Variants in NUBPL observed in about 807,000 individuals in gnomAD.
NUBPL encodes the protein iron-sulfur cluster transfer protein NUBPL.
NUBPL carries 31 observed loss-of-function variants against 45.7 expected under a neutral mutation model. The observed-to-expected ratio is 0.68, with a 90% CI of 0.51 to 0.92. The LOEUF (loss-of-function observed/expected upper bound fraction) is 0.92, where lower values mean the gene tolerates loss of function less well. Ranked by LOEUF, NUBPL falls within the 40% of genes least tolerant of loss-of-function variation. The pLI, the probability that NUBPL is intolerant of heterozygous loss-of-function variation, is 0.00. For missense variants in NUBPL, 401 were observed against 398.7 expected, an observed-to-expected ratio of 1.01 and a Z score of -0.05; for synonymous variants, 144 against 140.9, an observed-to-expected ratio of 1.02 and a Z score of -0.15.
intron 6 of NUBPL, among the ~76,000 whole-genome samples, chr14:31,680,582 T>C (rs189228489): frequency 7.9e-5 from 12 of 152,206 alleles, no homozygotes; most frequent in African/African-American, 2.6e-4. Context: ...TTACAATGAG[T>C]AATATTGTAA....
intron 2 of NUBPL, among the ~76,000 whole-genome samples, chr14:31,563,200 G>A (rs1443885011): frequency 2.0e-5 from 3 of 152,042 alleles, no homozygotes; most frequent in Non-Finnish European, 1.5e-5. Context: ...ACATTTTTCA[G>A]TTTTCAGTGG....
chr14:31,602,707 TAGTA>T (rs1368123597), intron 4 of NUBPL, among the ~76,000 whole-genome samples: 3 of 152,164 alleles, frequency 2.0e-5, no homozygotes, highest in African/African-American at 7.2e-5. Context: ...TTCTGGCACA[TAGTA>T]AGTGATCAAA....
chr14:31,821,973 T>C (rs2040025100), intron 7 of NUBPL, among the ~76,000 whole-genome samples: 3 of 152,128 alleles, frequency 2.0e-5, no homozygotes, highest in Non-Finnish European at 4.4e-5. Flanking sequence ...ATTTGTGGGA[T>C]CTGAAATTAA....
At chr14:31,741,169 T>C (rs1291396042) in intron 6 of NUBPL, among the ~76,000 whole-genome samples, 3 of 152,226 alleles carry the variant, frequency 2.0e-5, no homozygotes, top group Non-Finnish European at 4.4e-5. Context: ...CCCTGTACTT[T>C]TTTCTTCCTA....
intron 8 of NUBPL, among the ~76,000 whole-genome samples, chr14:31,842,250 C>T (rs2040388888): frequency 6.6e-6 from 1 of 151,696 alleles, no homozygotes; most frequent in Non-Finnish European, 1.5e-5. Flanking sequence ...TATTCTATTA[C>T]AACCAAGTTT....
At chr14:31,832,274 T>C (rs2040204859) in intron 8 of NUBPL, among the ~76,000 whole-genome samples, 1 of 152,150 alleles carries the variant, frequency 6.6e-6, no homozygotes, top group African/African-American at 2.4e-5. Context: ...GGGGCTTAAT[T>C]AGAATAATGC....
chr14:31,644,249 T>G (rs2035784834), intron 4 of NUBPL, among the ~76,000 whole-genome samples: 1 of 152,108 alleles, frequency 6.6e-6, no homozygotes, highest in Non-Finnish European at 1.5e-5. Flanking sequence ...GTTAAGTTAT[T>G]TATTTGAAGT....
At chr14:31,573,514 T>G (rs767986860) in intron 3 of NUBPL, among the ~76,000 whole-genome samples, 6 of 152,234 alleles carry the variant, frequency 3.9e-5, no homozygotes, top group Non-Finnish European at 8.8e-5. Flanking sequence ...TCTTCATCCC[T>G]GTGACTGTCT....
intron 6 of NUBPL, among the ~76,000 whole-genome samples, chr14:31,777,573 G>A (rs921728771): frequency 1.3e-5 from 2 of 152,160 alleles, no homozygotes; most frequent in Non-Finnish European, 2.9e-5. Flanking sequence ...CAAATATGAG[G>A]AGGATCATTA....
chr14:31,730,506 C>T (rs1178505773), intron 6 of NUBPL, among the ~76,000 whole-genome samples: 1 of 151,472 alleles, frequency 6.6e-6, no homozygotes, highest in Non-Finnish European at 1.5e-5. Context: ...CACCGTCGCC[C>T]AGGCTGTAGT....
chr14:31,641,289 T>G (rs2035690394), intron 4 of NUBPL, among the ~76,000 whole-genome samples: 1 of 152,172 alleles, frequency 6.6e-6, no homozygotes, highest in South Asian at 2.1e-4. Context: ...TTATTTGTAC[T>G]GATTAATGAA....
rs543276707 is a variant in NUBPL at position 31,628,173 on chromosome 14, C to T, written c.382+28794C>T. On this transcript the variant is annotated intron_variant, in intron 4 of 10. Coordinates refer to ENST00000281081, the MANE Select transcript of NUBPL (RefSeq NM_025152.3). ...TAAGTGTGGATTTTCTCCTCTTATA[C>T]TACACCAAAATTTGGCAAGTGTTGG... Among the ~76,000 whole-genome samples, 696 of 152,278 alleles carry T rather than the reference C, an allele frequency of 4.6e-3. 4 individuals are homozygous for T. Among genetic ancestry groups the T allele is most frequent in the Non-Finnish European group, 7.8e-3 (533 of 68,012 alleles).
chr14:31,655,886 G>A (rs1037934241), intron 4 of NUBPL, among the ~76,000 whole-genome samples: 2 of 152,206 alleles, frequency 1.3e-5, no homozygotes, highest in Non-Finnish European at 2.9e-5. Context: ...CCTATTAAGA[G>A]AGTAAACCTA....
intron 9 of NUBPL, 149 bp downstream of exon 9, chr14:31,846,740 A>C: frequency 1.6e-6 from 2 of 1,278,230 alleles, no homozygotes; most frequent in Non-Finnish European, 2.2e-6. Context: ...ACAGATCACG[A>C]GGTCAGGAGA....
chr14:31,742,099 A>G (rs2038296673), intron 6 of NUBPL, among the ~76,000 whole-genome samples: 1 of 152,184 alleles, frequency 6.6e-6, no homozygotes, highest in Non-Finnish European at 1.5e-5. Context: ...TAGGAAACCC[A>G]TATTAAAATA....
intron 8 of NUBPL, among the ~76,000 whole-genome samples, chr14:31,827,216 T>G (rs1486361568): frequency 1.3e-5 from 2 of 152,114 alleles, no homozygotes; most frequent in Non-Finnish European, 2.9e-5. Flanking sequence ...TAGATGGGGT[T>G]AGAAGTGAAG....
At chr14:31,582,919 A>G (rs779683499) in intron 3 of NUBPL, among the ~76,000 whole-genome samples, 1 of 152,210 alleles carries the variant, frequency 6.6e-6, no homozygotes, top group Admixed American at 6.5e-5. Flanking sequence ...AAAGGAGGAA[A>G]TTAAAGTCAG....
At chr14:31,810,444 G>C (rs560258007) in intron 7 of NUBPL, among the ~76,000 whole-genome samples, 3 of 151,878 alleles carry the variant, frequency 2.0e-5, no homozygotes, top group East Asian at 1.9e-4. Context: ...TGCAACCCCT[G>C]TTGTTTTTTG....
intron 10 of NUBPL, among the ~76,000 whole-genome samples, chr14:31,857,809 A>G (rs1308680855): frequency 1.4e-5 from 2 of 148,102 alleles, no homozygotes; most frequent in African/African-American, 5.1e-5. Context: ...CATTTTTGTC[A>G]AAGCCACTGA....
Sources: allele counts gnomAD v4.1 joint callset (sites outside exome capture counted in the v4.1 genomes callset), GRCh38; gene constraint gnomAD v4.1.1; transcripts MANE v1.5; gene names NCBI Gene and HGNC (gene_info 2026-07-23, HGNC 2026-07-21).